Variants in CAST observed in about 807,000 individuals in gnomAD.
CAST encodes the protein calpastatin, also known as MIR583 host.
CAST carries 76 observed loss-of-function variants against 119.6 expected under a neutral mutation model. The observed-to-expected ratio is 0.64, with a 90% CI of 0.53 to 0.77. The LOEUF is 0.77. Ranked by LOEUF, CAST falls within the 30% of genes least tolerant of loss-of-function variation. The pLI is 0.00. For synonymous variants in CAST, 319 were observed against 331.6 expected, an observed-to-expected ratio of 0.96 and a Z score of 0.41; for missense variants, 953 against 946.5, an observed-to-expected ratio of 1.01 and a Z score of -0.09.
the CAST span, among the ~76,000 whole-genome samples, chr5:96,123,340 C>T: frequency 6.6e-6 from 1 of 152,184 alleles, no homozygotes; most frequent in African/African-American, 2.4e-5. Context: ...TACTTGGACA[C>T]CTAGGCCAGT....
chr5:96,310,629 C>G, the CAST span, among the ~76,000 whole-genome samples: 2 of 148,508 alleles, frequency 1.3e-5, no homozygotes, highest in African/African-American at 4.9e-5. Flanking sequence ...TTGGTTTATT[C>G]AGATTTCCTA....
the CAST span, among the ~76,000 whole-genome samples, chr5:96,245,452 A>G: frequency 6.6e-6 from 1 of 152,218 alleles, no homozygotes; most frequent in Admixed American, 6.5e-5. Flanking sequence ...AGAAAACTGT[A>G]AATTTTTATC....
chr5:96,305,257 C>G, the CAST span, among the ~76,000 whole-genome samples: 1 of 152,044 alleles, frequency 6.6e-6, no homozygotes, highest in Admixed American at 6.6e-5. Context: ...TGTCTCTTGT[C>G]TATTATTGGT....
At chr5:96,591,293 T>G (rs189502223) in intron 1 of CAST, among the ~76,000 whole-genome samples, 215 of 152,326 alleles carry the variant, frequency 1.4e-3, no homozygotes, top group Non-Finnish European at 1.6e-3. Context: ...CAGATTCTGA[T>G]GAATGGAAGT....
the CAST span, among the ~76,000 whole-genome samples, chr5:96,424,460 G>C: frequency 6.6e-6 from 1 of 152,156 alleles, no homozygotes; most frequent in Non-Finnish European, 1.5e-5. Flanking sequence ...ACCACTAGCA[G>C]CCATGGATTT....
the CAST span, among the ~76,000 whole-genome samples, chr5:96,078,065 G>A: frequency 1.6e-4 from 25 of 152,148 alleles, no homozygotes; most frequent in Admixed American, 1.6e-3. Flanking sequence ...GTATAATAAA[G>A]AAATTATCCT....
At chr5:96,747,057 ATCT>A (rs1469060974) in intron 17 of CAST, among the ~76,000 whole-genome samples, 1 of 152,238 alleles carries the variant, frequency 6.6e-6, no homozygotes, top group African/African-American at 2.4e-5. Context: ...ACATAGCTAC[ATCT>A]TTATTGCCAA....
chr5:96,108,263 G>C, the CAST span, among the ~76,000 whole-genome samples: 1 of 152,232 alleles, frequency 6.6e-6, no homozygotes, highest in Non-Finnish European at 1.5e-5. Flanking sequence ...TCCATTGCTG[G>C]TGAGGAACTG....
the CAST span, among the ~76,000 whole-genome samples, chr5:96,146,893 G>C: frequency 6.6e-6 from 1 of 152,208 alleles, no homozygotes; most frequent in Non-Finnish European, 1.5e-5. Context: ...GAAGAATGAA[G>C]CACACTGGCT....
At chr5:96,062,447 G>A in the CAST span, among the ~76,000 whole-genome samples, 8 of 152,136 alleles carry the variant, frequency 5.3e-5, no homozygotes, top group Middle Eastern at 3.2e-3. Context: ...TTGGAGTAGT[G>A]CCATTTACCT....
the CAST span, among the ~76,000 whole-genome samples, chr5:96,326,695 A>ATTTTTTG: frequency 1.0e-5 from 1 of 95,734 alleles, no homozygotes; most frequent in Non-Finnish European, 2.0e-5. Flanking sequence ...ATGGCTTTTC[A>ATTTTTTG]TTTTTTTTTT....
the CAST span, among the ~76,000 whole-genome samples, chr5:96,381,784 A>G: frequency 6.6e-6 from 1 of 152,178 alleles, no homozygotes; most frequent in Admixed American, 6.5e-5. Context: ...CCTTGTGGTT[A>G]ATACATCTGA....
At chr5:96,505,473 C>T in the CAST span, among the ~76,000 whole-genome samples, 1 of 151,450 alleles carries the variant, frequency 6.6e-6, no homozygotes, top group African/African-American at 2.4e-5. Flanking sequence ...AGTGGGACTC[C>T]GTCTCAAAAA....
the CAST span, among the ~76,000 whole-genome samples, chr5:96,302,111 C>T: frequency 1.3e-5 from 2 of 152,164 alleles, no homozygotes; most frequent in South Asian, 2.1e-4. Context: ...GCCCTTTATG[C>T]ACTTGCAGGC....
the CAST span, among the ~76,000 whole-genome samples, chr5:96,222,399 G>T: frequency 6.6e-6 from 1 of 151,664 alleles, no homozygotes; most frequent in South Asian, 2.1e-4. Flanking sequence ...CAAAGACCTC[G>T]AACAACACAA....
At chr5:96,378,565 AT>A in the CAST span, among the ~76,000 whole-genome samples, 2 of 152,202 alleles carry the variant, frequency 1.3e-5, no homozygotes, top group East Asian at 3.9e-4. Context: ...AAACCCCATC[AT>A]TTTTTAGTGC....
the CAST span, among the ~76,000 whole-genome samples, chr5:96,081,772 A>G: frequency 1.3e-5 from 2 of 152,212 alleles, no homozygotes; most frequent in African/African-American, 2.4e-5. Flanking sequence ...ATGGACCTCC[A>G]TTGTTAAAGT....
upstream of CAST, chr5:96,662,237 G>A (rs1272505533): frequency 6.5e-6 from 4 of 611,602 alleles, no homozygotes; most frequent in African/African-American, 2.0e-5. Context: ...GGAAGGGGAG[G>A]GCCCATCGGG....
At chr5:96,513,249 AG>A in the CAST span, among the ~76,000 whole-genome samples, 1 of 152,256 alleles carries the variant, frequency 6.6e-6, no homozygotes, top group Admixed American at 6.5e-5. Context: ...TTCATGAGCA[AG>A]CCACTGCTGT....
Sources: allele counts gnomAD v4.1 joint callset (sites outside exome capture counted in the v4.1 genomes callset), GRCh38; gene constraint gnomAD v4.1.1; transcripts MANE v1.5; gene names NCBI Gene and HGNC (gene_info 2026-07-23, HGNC 2026-07-21).